GAB1: variants seen among roughly 807,000 people sequenced by gnomAD.
GAB1 encodes GRB2-associated-binding protein 1.
In GAB1, 19 loss-of-function variants were observed where a neutral mutation model predicts 66.5. The ratio of observed to expected loss-of-function variants is 0.29; its 90% CI spans 0.20 to 0.42. The LOEUF is 0.42. Ranked by LOEUF, GAB1 falls within the 10% of genes least tolerant of loss-of-function variation. GAB1 has a pLI of 1.00. For missense variants in GAB1, 732 were observed against 858.5 expected, an observed-to-expected ratio of 0.85 and a Z score of 1.84; for synonymous variants, 294 against 301.4, an observed-to-expected ratio of 0.98 and a Z score of 0.25.
chr4:143,409,385 T>TC (rs200855855), intron 1 of GAB1, among the ~76,000 whole-genome samples: 12,360 of 144,268 alleles, frequency 0.086, 648 homozygotes, highest in African/African-American at 0.11. Flanking sequence ...ACTTTGAACT[T>TC]TCCCCCCCCC....
intron 1 of GAB1, among the ~76,000 whole-genome samples, chr4:143,407,064 A>T (rs534882318): frequency 1.3e-5 from 2 of 152,292 alleles, no homozygotes; most frequent in South Asian, 4.1e-4. Flanking sequence ...AAGATGTATT[A>T]AAGTCAAGTC....
At chr4:143,415,929 T>TG (rs1420939674) in intron 2 of GAB1, among the ~76,000 whole-genome samples, 158 bp downstream of exon 2, 2 of 150,018 alleles carry the variant, frequency 1.3e-5, no homozygotes, top group African/African-American at 5.0e-5. Flanking sequence ...CTTTAATTAG[T>TG]TTGGGGAGAA....
rs75424413 is a variant in GAB1 at position 143,375,988 on chromosome 4, A to G, written c.72+38728A>G. On this transcript the variant is annotated intron_variant, in intron 1 of 9. Transcript: ENST00000262994. Reference sequence around the variant, plus strand: ...TGCTGCATAGGAGCTCCTGTCTGGGACAAATGCCCACCAGAGAAACCAGCA... The same window carrying G: ...TGCTGCATAGGAGCTCCTGTCTGGGGCAAATGCCCACCAGAGAAACCAGCA... Among the ~76,000 whole-genome samples the G allele has an allele frequency of 2.3e-3, 343 of 152,286 alleles. 3 individuals carry two copies. Among genetic ancestry groups the G allele is most frequent in the African/African-American group, 7.9e-3 (329 of 41,552 alleles).
intron 1 of GAB1, among the ~76,000 whole-genome samples, chr4:143,401,964 C>A (rs1731798522): frequency 6.6e-6 from 1 of 151,964 alleles, no homozygotes; most frequent in South Asian, 2.1e-4. Context: ...TATTGGGCAA[C>A]CTTCAGAAAT....
At chr4:143,425,002 ATACGG>A in intron 2 of GAB1, 1 of 699,756 alleles carries the variant, frequency 1.4e-6, no homozygotes, top group Non-Finnish European at 2.6e-6. Flanking sequence ...AGAGGGGTCC[ATACGG>A]CGTTGTTCTG....
intron 1 of GAB1, among the ~76,000 whole-genome samples, chr4:143,359,000 G>A (rs937379045): frequency 6.6e-6 from 1 of 152,114 alleles, no homozygotes; most frequent in Non-Finnish European, 1.5e-5. Flanking sequence ...TAGCTCCCTG[G>A]CTTATTTACA....
At chr4:143,342,332 A>G (rs901020335) in intron 1 of GAB1, among the ~76,000 whole-genome samples, 3 of 152,184 alleles carry the variant, frequency 2.0e-5, no homozygotes, top group Non-Finnish European at 2.9e-5. Context: ...TCTTGGAACA[A>G]AAAGTGGCAA....
chr4:143,403,622 A>G (rs1187927141), intron 1 of GAB1, among the ~76,000 whole-genome samples: 5 of 152,228 alleles, frequency 3.3e-5, no homozygotes, highest in African/African-American at 1.2e-4. Flanking sequence ...CGTAGCCCTC[A>G]TGGGGAAAGA....
intron 1 of GAB1, chr4:143,343,679 G>A (rs757008462): frequency 3.2e-5 from 5 of 154,828 alleles, no homozygotes; most frequent in Non-Finnish European, 5.9e-5. Flanking sequence ...GAGAACAGGG[G>A]ATGCAGGGGT....
intron 1 of GAB1, among the ~76,000 whole-genome samples, chr4:143,388,708 C>T (rs1236186129): frequency 1.3e-5 from 2 of 152,160 alleles, no homozygotes; most frequent in East Asian, 1.9e-4. Context: ...AGTCACTGCG[C>T]CCGGCCTAGA....
intron 8 of GAB1, 71 bp downstream of exon 8, chr4:143,460,558 T>C: frequency 1.4e-6 from 2 of 1,388,644 alleles, no homozygotes; most frequent in South Asian, 1.4e-5. Context: ...CTGTTCTGTC[T>C]ATAAATTTTA....
chr4:143,467,926 C>T (rs986664359), intron 9 of GAB1, among the ~76,000 whole-genome samples: 10 of 152,180 alleles, frequency 6.6e-5, no homozygotes, highest in African/African-American at 1.7e-4. Context: ...TTCTAGTGAG[C>T]GCAGCAGTGC....
intron 1 of GAB1, among the ~76,000 whole-genome samples, chr4:143,401,941 C>T (rs1472888043): frequency 6.6e-6 from 1 of 152,100 alleles, no homozygotes; most frequent in Non-Finnish European, 1.5e-5. Context: ...TTCTGGAGAA[C>T]ACTTTCCTTG....
At chr4:143,379,959 T>G (rs910886746) in intron 1 of GAB1, among the ~76,000 whole-genome samples, 2 of 151,044 alleles carry the variant, frequency 1.3e-5, no homozygotes, top group East Asian at 3.9e-4. Flanking sequence ...TCTGCTCTTT[T>G]GGGGCTTACA....
At chr4:143,454,213 C>A (rs1446665129) in intron 6 of GAB1, among the ~76,000 whole-genome samples, 1 of 152,180 alleles carries the variant, frequency 6.6e-6, no homozygotes, top group Non-Finnish European at 1.5e-5. Context: ...TCCATGACTT[C>A]CCCAAATAAG....
Position 143,438,408 on chromosome 4 carries a change from G to A in GAB1, c.1003G>A (p.Asp335Asn). ...AACCTTGGGACAGACATCAAAGCTA[G>A]ACACTATTCCAGATATTCCTCCACC... ...EGTLGQTSKL[D>N]TIPDIPPPRP... Residue 335 changes from aspartate (D) to asparagine (N), a missense_variant, in exon 4 of 10, where the codon GAC becomes AAC. Asp to Asn is a conservative substitution (Grantham distance 23). This residue lies in a region of GAB1 where 427 missense variants were observed against 420.6 expected (regional missense o/e 1.02). Transcript: ENST00000262994. 6.2e-7 allele frequency: 1 copy of A among 1,613,944 alleles called. No individual in the cohort carries two copies. The highest frequency in any genetic ancestry group is 8.5e-7 in the Non-Finnish European group (1 of 1,179,968).
At chr4:143,353,673 CAAA>C (rs552747425) in intron 1 of GAB1, among the ~76,000 whole-genome samples, 1 of 122,204 alleles carries the variant, frequency 8.2e-6, no homozygotes. Flanking sequence ...AGATCCTGAC[CAAA>C]AAAAAAAAAG....
At chr4:143,403,476 G>A (rs1201575903) in intron 1 of GAB1, among the ~76,000 whole-genome samples, 2 of 152,282 alleles carry the variant, frequency 1.3e-5, no homozygotes, top group East Asian at 1.9e-4. Context: ...TGGGCAAGAT[G>A]GCACTTGGAT....
chr4:143,451,145 T>C (rs1337403836), intron 6 of GAB1, among the ~76,000 whole-genome samples: 1 of 152,080 alleles, frequency 6.6e-6, no homozygotes, highest in East Asian at 1.9e-4. Context: ...GGGCTGTGGT[T>C]GAAGTAAACT....
Sources: allele counts gnomAD v4.1 joint callset (sites outside exome capture counted in the v4.1 genomes callset), GRCh38; gene constraint gnomAD v4.1.1; regional missense constraint gnomAD v4.1.1; transcripts MANE v1.5; gene names NCBI Gene and HGNC (gene_info 2026-07-23, HGNC 2026-07-21).